Variants in PTK2 observed in about 807,000 individuals in gnomAD.
PTK2 encodes focal adhesion kinase 1.
Under a neutral mutation model 150.1 loss-of-function variants are expected in PTK2, and 45 were observed. That is an observed-to-expected ratio of 0.30 (90% CI 0.24 to 0.38). PTK2 has a LOEUF of 0.38. Ranked by LOEUF, PTK2 falls within the 10% of genes least tolerant of loss-of-function variation. PTK2 has a pLI of 1.00. For missense variants in PTK2, 919 were observed against 1,307.3 expected, an observed-to-expected ratio of 0.70 and a Z score of 4.58; for synonymous variants, 432 against 449.2, an observed-to-expected ratio of 0.96 and a Z score of 0.48.
intron 14 of PTK2, among the ~76,000 whole-genome samples, chr8:140,773,161 A>G (rs189036971): frequency 2.0e-5 from 3 of 152,356 alleles, no homozygotes; most frequent in African/African-American, 7.2e-5. Flanking sequence ...AAAAAAGTAC[A>G]ACTCTTTTTG....
At chr8:140,660,250 A>G (rs1266146552) in intron 31 of PTK2, among the ~76,000 whole-genome samples, 1 of 152,204 alleles carries the variant, frequency 6.6e-6, no homozygotes, top group Non-Finnish European at 1.5e-5. Context: ...TTCAGAGATC[A>G]TCTATTCCAA....
At chr8:140,769,111 TATC>T (rs1268760826) in intron 14 of PTK2, among the ~76,000 whole-genome samples, 2 of 152,336 alleles carry the variant, frequency 1.3e-5, no homozygotes, top group South Asian at 2.1e-4. Flanking sequence ...AAAAACCAAT[TATC>T]ATTATTGCTG....
At chr8:140,971,544 C>T (rs75058100) in intron 1 of PTK2, among the ~76,000 whole-genome samples, 26 of 152,312 alleles carry the variant, frequency 1.7e-4, no homozygotes, top group Non-Finnish European at 3.2e-4. Flanking sequence ...AACACTGTTA[C>T]CAAACACTGA....
intron 31 of PTK2, among the ~76,000 whole-genome samples, chr8:140,664,463 T>C (rs559768232): frequency 6.6e-6 from 1 of 152,176 alleles, no homozygotes; most frequent in Non-Finnish European, 1.5e-5. Flanking sequence ...CTACTTGAAA[T>C]GGAAAACCAG....
intron 1 of PTK2, among the ~76,000 whole-genome samples, chr8:140,931,070 CAAAAAAAA>C (rs34438579): frequency 4.3e-4 from 48 of 111,726 alleles, no homozygotes; most frequent in African/African-American, 1.7e-3. Context: ...GACTCTGTCT[CAAAAAAAA>C]AAAAAAAAAG....
chr8:140,736,243 C>T (rs547273593), intron 21 of PTK2, among the ~76,000 whole-genome samples: 7 of 152,318 alleles, frequency 4.6e-5, no homozygotes, highest in Admixed American at 1.3e-4. Context: ...AACTGAAAGC[C>T]ATTTATCCAA....
chr8:140,781,938 C>T (rs533930750), intron 14 of PTK2, among the ~76,000 whole-genome samples: 1 of 152,096 alleles, frequency 6.6e-6, no homozygotes, highest in Non-Finnish European at 1.5e-5. Flanking sequence ...GGAGGGCTAT[C>T]GGAAAGAAGG....
At chr8:140,662,353 T>C (rs528695832) in intron 31 of PTK2, among the ~76,000 whole-genome samples, 3 of 152,178 alleles carry the variant, frequency 2.0e-5, no homozygotes, top group Admixed American at 6.5e-5. Context: ...AATTTGTGTA[T>C]TGGAATCAGG....
intron 15 of PTK2, among the ~76,000 whole-genome samples, chr8:140,762,779 T>G (rs543092000): frequency 6.6e-6 from 1 of 152,098 alleles, no homozygotes; most frequent in South Asian, 2.1e-4. Context: ...GGTGTTTTTT[T>G]TTTCTTTTTT....
intron 1 of PTK2, among the ~76,000 whole-genome samples, chr8:140,942,967 CTT>C (rs1046291282): frequency 5.9e-5 from 9 of 152,168 alleles, no homozygotes; most frequent in African/African-American, 1.7e-4. Context: ...CACTCTCTCT[CTT>C]GTTCTCTCTT....
rs1485507227 is a variant in PTK2 at position 140,927,972 on chromosome 8, AAAAATATAT to A, written c.-121-2232_-121-2224del. 8.7e-5 allele frequency among the ~76,000 whole-genome samples: 8 copies of A among 92,314 alleles called. No homozygotes were observed. In the East Asian group the frequency reaches 9.8e-4, roughly 11 times the overall value. 60.6% of individuals were successfully genotyped at this position (92,314 alleles called of 152,430 possible). ...AAAAAAAAAAAGAAAAAAAAAAAAA[AAAAATATAT>A]ATATATATATATGTATATATATAAT... On this transcript the variant is annotated intron_variant, in intron 1 of 31. Transcript: ENST00000522684.
Position 140,988,622 on chromosome 8 carries a change from G to C in PTK2, c.-122+12503C>G, listed in dbSNP as rs112479905. On this transcript the variant is annotated intron_variant, in intron 1 of 31. Transcript: ENST00000522684. The stretch of plus-strand genomic sequence containing the variant: ...TGGGCGCCCGTAGCCCCAGCTATTC[G>C]GGAGGCTGAGGCAGGAGAATGGCGT... 4.2e-3 allele frequency among the ~76,000 whole-genome samples: 643 copies of C among 151,924 alleles called. 9 individuals are homozygous for C. The highest frequency in any genetic ancestry group is 0.015 in the African/African-American group (602 of 41,434).
At chr8:140,924,778 C>G (rs1012763130) in intron 2 of PTK2, among the ~76,000 whole-genome samples, 19 of 152,146 alleles carry the variant, frequency 1.2e-4, no homozygotes, top group African/African-American at 4.1e-4. Context: ...ACTGCTTCTT[C>G]CCACCCCACA....
At chr8:140,676,411 T>TA (rs1348535238) in intron 27 of PTK2, among the ~76,000 whole-genome samples, 23 of 35,166 alleles carry the variant, frequency 6.5e-4, no homozygotes, top group South Asian at 1.7e-3. Flanking sequence ...AATTAATTAA[T>TA]TAATATATAT....
chr8:140,799,836 C>T (rs2100093883), intron 12 of PTK2, among the ~76,000 whole-genome samples: 1 of 152,178 alleles, frequency 6.6e-6, no homozygotes. Flanking sequence ...AATTCCCAAA[C>T]TCAGTCTTTC....
intron 1 of PTK2, among the ~76,000 whole-genome samples, chr8:140,983,127 C>T (rs771351402): frequency 9.9e-5 from 15 of 152,068 alleles, no homozygotes; most frequent in Non-Finnish European, 1.5e-5. Flanking sequence ...TGGCTCACAC[C>T]TGCAATCCCA....
intron 27 of PTK2, among the ~76,000 whole-genome samples, chr8:140,676,384 T>G (rs1431822606): frequency 1.5e-5 from 1 of 65,006 alleles, no homozygotes; most frequent in Admixed American, 2.3e-4. Context: ...TCAAAAAAAT[T>G]AATTAATTAA....
chr8:140,895,706 CT>C (rs1486201052), intron 2 of PTK2, among the ~76,000 whole-genome samples: 3 of 151,992 alleles, frequency 2.0e-5, no homozygotes, highest in Middle Eastern at 3.4e-3. Context: ...TTAAAAAGAA[CT>C]AAGAGTATAA....
intron 1 of PTK2, among the ~76,000 whole-genome samples, chr8:140,974,943 C>A (rs376768847): frequency 1.3e-5 from 2 of 152,158 alleles, no homozygotes; most frequent in African/African-American, 4.8e-5. Flanking sequence ...CCTGGAATTA[C>A]GCTGGATTCC....
Sources: gnomAD v4.1 joint callset for allele counts (sites outside exome capture counted in the v4.1 genomes callset) on GRCh38, gnomAD v4.1.1 for gene constraint, MANE v1.5 for transcripts, NCBI Gene and HGNC (gene_info 2026-07-23, HGNC 2026-07-21) for gene names.